SLC35F3: variants seen among roughly 807,000 people sequenced by gnomAD.
SLC35F3 encodes solute carrier family 35 member F3.
SLC35F3 carries 25 observed loss-of-function variants against 49.9 expected under a neutral mutation model. The observed-to-expected ratio is 0.50, with a 90% CI of 0.37 to 0.70. The LOEUF (loss-of-function observed/expected upper bound fraction) is 0.70, where lower values mean the gene tolerates loss of function less well. Ranked by LOEUF, SLC35F3 falls within the 30% of genes least tolerant of loss-of-function variation. The pLI, the probability that SLC35F3 is intolerant of heterozygous loss-of-function variation, is 0.00. For synonymous variants in SLC35F3, 275 were observed against 265.4 expected (o/e 1.04, Z -0.35); for missense variants, 525 against 639.8 (o/e 0.82, Z 1.94).
chr1:233,993,153 G>C lies in SLC35F3; in HGVS notation c.283+87395G>C, dbSNP rs574247957. ...CGGCTAATTTTATATTTTTAGTAGA[G>C]ACGGGGTTTCACCATGTTAGCCAGG... On this transcript the variant is annotated intron_variant, in intron 2 of 7. Transcript: ENST00000366618. 5.6e-4 allele frequency among the ~76,000 whole-genome samples: 85 copies of C among 152,212 alleles called. 1 individual carries two copies. The highest frequency in any genetic ancestry group is 2.0e-3 in the African/African-American group (83 of 41,508).
At chr1:234,192,177 C>A (rs992042724) in intron 2 of SLC35F3, among the ~76,000 whole-genome samples, 22 of 152,172 alleles carry the variant, frequency 1.4e-4, no homozygotes, top group Non-Finnish European at 2.5e-4. Context: ...AAACCAACAT[C>A]TCTGATGAAC....
Position 234,144,324 on chromosome 1 carries a change from G to A in SLC35F3, c.284-87093G>A, listed in dbSNP as rs1665965436. On this transcript the variant is annotated intron_variant, in intron 2 of 7. Coordinates refer to ENST00000366618, the MANE Select transcript of SLC35F3 (RefSeq NM_173508.4). Reference sequence around the variant, plus strand: ...CAGTTTCCAAGGGCAGGTGCAGGATGCAGTTGTAAATGCAAGGGGGTTAGG... The same window carrying A: ...CAGTTTCCAAGGGCAGGTGCAGGATACAGTTGTAAATGCAAGGGGGTTAGG... Among the ~76,000 whole-genome samples, 3 of 152,184 alleles carry A rather than the reference G, an allele frequency of 2.0e-5. No homozygotes were observed. The South Asian group carries it at 6.2e-4, about 32-fold the overall frequency.
chr1:233,953,687 C>T (rs1366388775), intron 2 of SLC35F3, among the ~76,000 whole-genome samples: 1 of 138,656 alleles, frequency 7.2e-6, no homozygotes, highest in Non-Finnish European at 1.5e-5. Context: ...TGGTCACCTG[C>T]ACAGATACAC....
At chr1:234,190,999 G>A (rs1414143073) in intron 2 of SLC35F3, among the ~76,000 whole-genome samples, 2 of 152,212 alleles carry the variant, frequency 1.3e-5, no homozygotes, top group Admixed American at 6.5e-5. Context: ...AAAGGCAGCT[G>A]CCGAGCTTCC....
chr1:234,024,197 A>G (rs1663942071), intron 2 of SLC35F3, among the ~76,000 whole-genome samples: 1 of 151,100 alleles, frequency 6.6e-6, no homozygotes, highest in Non-Finnish European at 1.5e-5. Flanking sequence ...AATCAAAACT[A>G]TTCTAAAAAT....
chr1:233,955,344 T>C (rs899331829), intron 2 of SLC35F3, among the ~76,000 whole-genome samples: 14 of 152,146 alleles, frequency 9.2e-5, no homozygotes, highest in Admixed American at 7.2e-4. Context: ...TATCTTTTTC[T>C]CTGAAACTGC....
At chr1:234,090,214 A>G (rs947082531) in intron 2 of SLC35F3, among the ~76,000 whole-genome samples, 1 of 152,262 alleles carries the variant, frequency 6.6e-6, no homozygotes, top group African/African-American at 2.4e-5. Context: ...AATGCTGAGC[A>G]CTGTGTGCTA....
At chr1:234,040,978 G>A (rs539290663) in intron 2 of SLC35F3, among the ~76,000 whole-genome samples, 2 of 152,192 alleles carry the variant, frequency 1.3e-5, no homozygotes, top group Non-Finnish European at 2.9e-5. Flanking sequence ...TTGGCTGAAC[G>A]TAAGACGTGT....
chr1:233,917,623 T>G (rs1162520911), intron 2 of SLC35F3, among the ~76,000 whole-genome samples: 1 of 152,210 alleles, frequency 6.6e-6, no homozygotes, highest in Non-Finnish European at 1.5e-5. Context: ...TAACATGGAC[T>G]AGAATTTAAA....
chr1:234,222,283 A>G (rs1005827932), intron 2 of SLC35F3, among the ~76,000 whole-genome samples: 1 of 152,090 alleles, frequency 6.6e-6, no homozygotes, highest in African/African-American at 2.4e-5. Context: ...CATGTCACCC[A>G]TTGTTGGTTC....
chr1:234,275,750 T>C (rs919129517), intron 3 of SLC35F3, among the ~76,000 whole-genome samples: 3 of 103,356 alleles, frequency 2.9e-5, no homozygotes, highest in African/African-American at 7.8e-5. Flanking sequence ...TTGGTAAGTA[T>C]TGAAAAAAAA....
chr1:234,008,586 A>G (rs1469050285), intron 2 of SLC35F3, among the ~76,000 whole-genome samples: 1 of 152,152 alleles, frequency 6.6e-6, no homozygotes, highest in Non-Finnish European at 1.5e-5. Flanking sequence ...TGTTTTACTC[A>G]TCTCTACTGC....
At chr1:234,115,871 C>T (rs539044756) in intron 2 of SLC35F3, among the ~76,000 whole-genome samples, 38 of 152,200 alleles carry the variant, frequency 2.5e-4, no homozygotes, top group African/African-American at 8.2e-4. Context: ...GAAGATGCAC[C>T]TGGGAAAAAG....
At chr1:234,290,270 T>G (rs1322488414) in intron 3 of SLC35F3, among the ~76,000 whole-genome samples, 1 of 151,564 alleles carries the variant, frequency 6.6e-6, no homozygotes, top group Non-Finnish European at 1.5e-5. Context: ...AGAAGCAAAA[T>G]GAAGAAAATG....
chr1:234,098,034 T>TTGG (rs1235398541), intron 2 of SLC35F3, among the ~76,000 whole-genome samples: 3 of 141,804 alleles, frequency 2.1e-5, no homozygotes, highest in Non-Finnish European at 3.1e-5. Context: ...GGTGACTGTG[T>TTGG]TGGTGGTGGT....
chr1:234,135,636 G>A (rs1460429138), intron 2 of SLC35F3, among the ~76,000 whole-genome samples: 1 of 152,212 alleles, frequency 6.6e-6, no homozygotes, highest in South Asian at 2.1e-4. Flanking sequence ...TTGCTCCAGC[G>A]ACAAGCTGGG....
chr1:234,114,904 T>C (rs1263709273), intron 2 of SLC35F3, among the ~76,000 whole-genome samples: 1 of 152,068 alleles, frequency 6.6e-6, no homozygotes, highest in African/African-American at 2.4e-5. Context: ...TGTTGGTGGG[T>C]TTTTTGTTTG....
At chr1:233,995,084 C>T (rs1663436044) in intron 2 of SLC35F3, among the ~76,000 whole-genome samples, 1 of 152,206 alleles carries the variant, frequency 6.6e-6, no homozygotes, top group South Asian at 2.1e-4. Context: ...GTGCAATGCA[C>T]AGCACAATGC....
At chr1:234,089,774 T>C (rs977974211) in intron 2 of SLC35F3, among the ~76,000 whole-genome samples, 3 of 152,160 alleles carry the variant, frequency 2.0e-5, no homozygotes, top group Non-Finnish European at 4.4e-5. Flanking sequence ...TCTGTCCACC[T>C]ATAAATATTG....
Sources: gnomAD v4.1 joint callset for allele counts (sites outside exome capture counted in the v4.1 genomes callset) on GRCh38, gnomAD v4.1.1 for gene constraint, MANE v1.5 for transcripts, NCBI Gene and HGNC (gene_info 2026-07-23, HGNC 2026-07-21) for gene names.